Variants in KCNQ5 observed in about 807,000 individuals in gnomAD.
KCNQ5 encodes potassium voltage-gated channel subfamily KQT member 5.
In KCNQ5, 30 loss-of-function variants were observed where a neutral mutation model predicts 98.2. That is an observed-to-expected ratio of 0.31 (90% CI 0.23 to 0.41). The LOEUF is 0.41. Ranked by LOEUF, KCNQ5 falls within the 10% of genes least tolerant of loss-of-function variation. The pLI is 1.00. For synonymous variants in KCNQ5, 458 were observed against 449.4 expected (o/e 1.02, Z -0.24); for missense variants, 835 against 1,182.5 (o/e 0.71, Z 4.31).
intron 11 of KCNQ5, among the ~76,000 whole-genome samples, chr6:73,181,004 C>G (rs569204901): frequency 6.6e-6 from 1 of 152,274 alleles, no homozygotes; most frequent in Non-Finnish European, 1.5e-5. Flanking sequence ...TGGAATAAGA[C>G]TTTTGTAAGA....
chr6:72,693,501 A>T (rs1768318199), intron 1 of KCNQ5, among the ~76,000 whole-genome samples: 1 of 152,154 alleles, frequency 6.6e-6, no homozygotes, highest in South Asian at 2.1e-4. Flanking sequence ...GGGATTCAGG[A>T]TTCTTTAGCA....
rs1245569981 is a variant in KCNQ5, at chr6:72,771,794, G to A, written c.398+149207G>A. On this transcript the variant is annotated intron_variant, in intron 1 of 13. Coordinates refer to ENST00000370398, the MANE Select transcript of KCNQ5 (RefSeq NM_019842.4). ...CAGGCCTCATTAAAACAAGACTTCTGTGATTTTGATAAGAGATTTATGTAG... is the reference window on the plus strand; with the variant it reads ...CAGGCCTCATTAAAACAAGACTTCTATGATTTTGATAAGAGATTTATGTAG... 4.0e-5 allele frequency among the ~76,000 whole-genome samples: 6 copies of A among 151,882 alleles called. No individual in the cohort carries two copies. In the East Asian group the frequency reaches 1.2e-3, roughly 29 times the overall value.
At chr6:72,691,624 A>G (rs895428445) in intron 1 of KCNQ5, among the ~76,000 whole-genome samples, 4 of 152,218 alleles carry the variant, frequency 2.6e-5, no homozygotes, top group African/African-American at 9.7e-5. Context: ...TAGAAACAGG[A>G]ATATTAGAGA....
chr6:73,135,470 A>C (rs1776431604), intron 10 of KCNQ5: 1 of 151,058 alleles, frequency 6.6e-6, no homozygotes, highest in Non-Finnish European at 1.5e-5. Context: ...AAGAAAAAAA[A>C]AACTAGCCCT....
chr6:72,950,876 A>T (rs182532986), intron 1 of KCNQ5, among the ~76,000 whole-genome samples: 22 of 152,334 alleles, frequency 1.4e-4, no homozygotes, highest in Admixed American at 1.4e-3. Flanking sequence ...TCCAAATGTA[A>T]CTTTCTGAGC....
At chr6:72,762,031 G>A (rs1426864156) in intron 1 of KCNQ5, among the ~76,000 whole-genome samples, 2 of 152,026 alleles carry the variant, frequency 1.3e-5, no homozygotes, top group South Asian at 2.1e-4. Flanking sequence ...CGATCTTATC[G>A]CTAGAGCTGG....
intron 3 of KCNQ5, among the ~76,000 whole-genome samples, chr6:73,073,419 G>A (rs1356182986): frequency 6.6e-6 from 1 of 152,154 alleles, no homozygotes; most frequent in Non-Finnish European, 1.5e-5. Context: ...GGCATTGTAG[G>A]ATGGTTAGCA....
At chr6:72,947,346 C>T (rs1582068201) in intron 1 of KCNQ5, among the ~76,000 whole-genome samples, 1 of 152,014 alleles carries the variant, frequency 6.6e-6, no homozygotes. Context: ...TTATCATCAT[C>T]AAAAAATATT....
intron 7 of KCNQ5, among the ~76,000 whole-genome samples, chr6:73,116,905 C>T (rs1009688239): frequency 6.6e-6 from 1 of 152,066 alleles, no homozygotes. Context: ...CCTTCTAAAC[C>T]ATTTCCAGTA....
intron 2 of KCNQ5, among the ~76,000 whole-genome samples, chr6:73,009,632 A>G (rs1018549595): frequency 6.6e-6 from 1 of 152,198 alleles, no homozygotes; most frequent in African/African-American, 2.4e-5. Flanking sequence ...ACAAACCTTT[A>G]GATAGATGAA....
chr6:72,871,144 A>T (rs1334727182), intron 1 of KCNQ5, among the ~76,000 whole-genome samples: 1 of 152,142 alleles, frequency 6.6e-6, no homozygotes, highest in Non-Finnish European at 1.5e-5. Flanking sequence ...TATTATCACC[A>T]CGAGCTTTTG....
intron 1 of KCNQ5, among the ~76,000 whole-genome samples, chr6:72,999,275 CAT>C (rs1218276041): frequency 1.3e-5 from 2 of 152,190 alleles, no homozygotes; most frequent in African/African-American, 4.8e-5. Flanking sequence ...CTTGAGTAAA[CAT>C]AGAGTCCTTT....
rs569261051 is a variant in KCNQ5, at chr6:72,897,092, T to C, written c.399-106816T>C. On this transcript the variant is annotated intron_variant, in intron 1 of 13. Transcript: ENST00000370398. ...CCCAACATAGAAAACAGAACGTATT[T>C]GGGTAACGATGGGAAGAGCAGAGTA... Among the ~76,000 whole-genome samples the C allele has an allele frequency of 6.9e-4, 105 of 152,142 alleles. 2 individuals carry two copies. The highest frequency in any genetic ancestry group is 2.5e-3 in the African/African-American group (103 of 41,508).
chr6:73,063,253 A>T (rs977410533), intron 3 of KCNQ5, among the ~76,000 whole-genome samples: 1 of 152,216 alleles, frequency 6.6e-6, no homozygotes, highest in Non-Finnish European at 1.5e-5. Context: ...AAAGGAATTG[A>T]TAATGAAAAG....
chr6:72,863,201 G>GA (rs1268254474), intron 1 of KCNQ5, among the ~76,000 whole-genome samples: 1 of 151,954 alleles, frequency 6.6e-6, no homozygotes, highest in East Asian at 1.9e-4. Context: ...AGGCTTCTAG[G>GA]AAAAAAACAG....
rs115307977 is a variant in KCNQ5 at position 72,935,967 on chromosome 6, G to A, written c.399-67941G>A. ...CTCCAGGTTTTCTCTTCCCTCCTAG[G>A]AGAACCCTTCTCAGCCTTCTTAATA... is the stretch of plus-strand genomic sequence containing the variant. On this transcript the variant is annotated intron_variant, in intron 1 of 13. Coordinates refer to ENST00000370398, the MANE Select transcript of KCNQ5 (RefSeq NM_019842.4). Among the ~76,000 whole-genome samples, 892 of 152,222 alleles carry A rather than the reference G, an allele frequency of 5.9e-3. 10 individuals carry two copies. Among genetic ancestry groups the A allele is most frequent in the African/African-American group, 0.021 (867 of 41,534 alleles).
rs1232119518 is a variant in KCNQ5 at position 72,766,599 on chromosome 6, C to T, written c.398+144012C>T. Among the ~76,000 whole-genome samples, 3 of 151,966 alleles carry T rather than the reference C, an allele frequency of 2.0e-5. No homozygotes were observed. The East Asian group carries it at 5.8e-4, about 29-fold the overall frequency. ...GTAAGAATTGTTCATTTTCCAGATACAATCTGAAGGTAGAGCCTGCAGGAT... is the reference window on the plus strand; with the variant it reads ...GTAAGAATTGTTCATTTTCCAGATATAATCTGAAGGTAGAGCCTGCAGGAT... On this transcript the variant is annotated intron_variant, in intron 1 of 13. Coordinates refer to ENST00000370398, the MANE Select transcript of KCNQ5 (RefSeq NM_019842.4).
chr6:72,859,619 C>T (rs981043438), intron 1 of KCNQ5, among the ~76,000 whole-genome samples: 2 of 151,702 alleles, frequency 1.3e-5, no homozygotes, highest in Non-Finnish European at 2.9e-5. Context: ...CTCTGTCTGT[C>T]GCCCAGGCTG....
intron 1 of KCNQ5, among the ~76,000 whole-genome samples, chr6:72,756,624 G>A (rs1771984739): frequency 6.6e-6 from 1 of 152,076 alleles, no homozygotes; most frequent in African/African-American, 2.4e-5. Flanking sequence ...TCAAAAAGCA[G>A]CAACAGAAAA....
Sources: gnomAD v4.1 joint callset for allele counts (sites outside exome capture counted in the v4.1 genomes callset) on GRCh38, gnomAD v4.1.1 for gene constraint, MANE v1.5 for transcripts, NCBI Gene and HGNC (gene_info 2026-07-23, HGNC 2026-07-21) for gene names.